The following ADCY9 variants were observed in gnomAD, a reference collection of about 807,000 sequenced individuals.
The protein encoded by ADCY9 is adenylate cyclase type 9.
In ADCY9, 50 loss-of-function variants were observed where a neutral mutation model predicts 101.5. That is an observed-to-expected ratio of 0.49 (90% CI 0.39 to 0.62). The LOEUF is 0.62. ADCY9 is among the 20% of genes least tolerant of loss of function. The probability of loss-of-function intolerance (pLI) is 0.00; values close to 1 mark genes in which losing one functional copy is unlikely to be tolerated. For missense variants in ADCY9, 1,662 were observed against 1,800.4 expected (o/e 0.92, Z 1.39); for synonymous variants, 905 against 769.3 (o/e 1.18, Z -2.92).
intron 2 of ADCY9, chr16:4,032,158 C>T (rs1344479685): frequency 6.6e-6 from 1 of 151,730 alleles, no homozygotes; most frequent in African/African-American, 2.4e-5. Context: ...GCATGGTGGC[C>T]CGTGCCTGTA....
chr16:4,021,275 T>C (rs2056474577), intron 2 of ADCY9, among the ~76,000 whole-genome samples: 1 of 152,216 alleles, frequency 6.6e-6, no homozygotes, highest in East Asian at 1.9e-4. Context: ...GCCACAGTGC[T>C]AACAAGATCT....
chr16:3,955,677 T>C (rs2055902914), intron 5 of ADCY9, among the ~76,000 whole-genome samples: 1 of 151,410 alleles, frequency 6.6e-6, no homozygotes, highest in African/African-American at 2.4e-5. Flanking sequence ...GCCTCCAGAG[T>C]AACTGGGATT....
chr16:3,994,062 T>C (rs1485257951), intron 3 of ADCY9, among the ~76,000 whole-genome samples: 1 of 152,120 alleles, frequency 6.6e-6, no homozygotes, highest in Non-Finnish European at 1.5e-5. Context: ...AGTCAGACGC[T>C]GAAATCCTAA....
At chr16:4,106,237 C>T (rs997596369) in intron 2 of ADCY9, among the ~76,000 whole-genome samples, 5 of 152,198 alleles carry the variant, frequency 3.3e-5, no homozygotes, top group African/African-American at 9.7e-5. Context: ...AATTTAGCCA[C>T]GGGTTGGCTT....
intron 2 of ADCY9, among the ~76,000 whole-genome samples, chr16:4,077,807 C>A (rs2056877146): frequency 6.6e-6 from 1 of 152,050 alleles, no homozygotes; most frequent in South Asian, 2.1e-4. Flanking sequence ...TGAGACCAGC[C>A]TGGCCAGCAT....
intron 2 of ADCY9, among the ~76,000 whole-genome samples, chr16:4,083,212 A>T (rs1323663398): frequency 6.6e-6 from 1 of 152,208 alleles, no homozygotes; most frequent in Non-Finnish European, 1.5e-5. Context: ...CACAACAAAA[A>T]CCATCTTAAC....
At chr16:4,022,594 A>G (rs1192642078) in intron 2 of ADCY9, among the ~76,000 whole-genome samples, 1 of 149,992 alleles carries the variant, frequency 6.7e-6, no homozygotes, top group Admixed American at 6.7e-5. Flanking sequence ...TTGTATGTGT[A>G]TATCCGTGCA....
intron 3 of ADCY9, among the ~76,000 whole-genome samples, chr16:3,997,291 C>G (rs947395110): frequency 6.6e-6 from 1 of 152,252 alleles, no homozygotes; most frequent in Non-Finnish European, 1.5e-5. Context: ...ACCAACTTGG[C>G]ACCAGAGGGC....
At chr16:4,045,869 C>CTTT (rs56804050) in intron 2 of ADCY9, among the ~76,000 whole-genome samples, 31 of 78,840 alleles carry the variant, frequency 3.9e-4, no homozygotes, top group African/African-American at 7.6e-4. Flanking sequence ...TTTTTTCTTT[C>CTTT]TTTTTTTTTT....
In ADCY9 at chr16:3,992,352, T is replaced by A. The variant is rs2141702875; in HGVS notation, c.2001A>T (p.Gly667=). 6.2e-7 allele frequency: 1 copy of A among 1,613,736 alleles called. No homozygotes were observed. The highest frequency in any genetic ancestry group is 2.2e-5 in the East Asian group (1 of 44,858). ...GCCCGTTCTGAGTTTTGGGATTAGG[T>A]CCTCCAGAAGCCTGCCTCGAGACAA... ...EHKNSTKASG[G]PNPKTQNGLL... is the part of the protein sequence containing the mutation. The change falls in exon 5 of 11, where the codon GGA becomes GGT. Residue 667 remains glycine (G), a synonymous_variant. Coordinates refer to ENST00000294016, the MANE Select transcript of ADCY9 (RefSeq NM_001116.4). The surrounding 1 kb of genome is among the most constrained non-coding windows in gnomAD (Gnocchi z 4.2).
At chr16:4,012,290 G>C (rs1336986230) in intron 2 of ADCY9, among the ~76,000 whole-genome samples, 2 of 152,166 alleles carry the variant, frequency 1.3e-5, no homozygotes, top group Non-Finnish European at 2.9e-5. Context: ...ACCCTGACAG[G>C]TAAGGCAGAG....
rs2057145975 is a variant in ADCY9 at position 4,115,595 on chromosome 16, G to A, written c.-44+95C>T. ...GCGGCTCCAGCACGCGACCTGGACAGGCACCATCTGTTCCTGTGGTTCCCG... is the reference window on the plus strand; with the variant it reads ...GCGGCTCCAGCACGCGACCTGGACAAGCACCATCTGTTCCTGTGGTTCCCG... On this transcript the variant is annotated intron_variant, in intron 1 of 10. Coordinates refer to ENST00000294016, the MANE Select transcript of ADCY9 (RefSeq NM_001116.4). The surrounding 1 kb of genome is among the most constrained non-coding windows in gnomAD (Gnocchi z 6.2). 1.1e-6 allele frequency: 1 copy of A among 897,890 alleles called. No individual in the cohort carries two copies. 55.6% of individuals were successfully genotyped at this position (897,890 alleles called of 1,614,324 possible).
chr16:4,090,715 T>C (rs895483700), intron 2 of ADCY9, among the ~76,000 whole-genome samples: 3 of 152,002 alleles, frequency 2.0e-5, no homozygotes, highest in African/African-American at 7.2e-5. Flanking sequence ...AGATTTTTTT[T>C]TTTTGGTCAA....
chr16:4,075,016 A>G (rs1310058916), intron 2 of ADCY9, among the ~76,000 whole-genome samples: 1 of 152,128 alleles, frequency 6.6e-6, no homozygotes, highest in Non-Finnish European at 1.5e-5. Context: ...TCTCCACAAA[A>G]AAATAGAAAA....
chr16:4,088,842 A>C (rs2056955811), intron 2 of ADCY9, among the ~76,000 whole-genome samples: 1 of 152,004 alleles, frequency 6.6e-6, no homozygotes, highest in Non-Finnish European at 1.5e-5. Flanking sequence ...TATACTGTGT[A>C]ATTCTCTCGT....
At position 3,979,149 on chromosome 16, in the gene ADCY9, G is replaced by T; in HGVS notation, c.2646C>A (p.Ser882=). ...TGGTCTCATATTCGGAGGTGACATG[G>T]GAGTAGACGGCCAGTGCGGGAAGCG... ...LVSLPALAVY[S]HVTSEYETNI... is the part of the protein sequence containing the mutation. The change falls in exon 8 of 11, where the codon TCC becomes TCA. Residue 882 remains serine, a synonymous_variant. Coordinates refer to ENST00000294016, the MANE Select transcript of ADCY9 (RefSeq NM_001116.4). The T allele has an allele frequency of 6.2e-7, 1 of 1,614,216 alleles. No homozygotes were observed. The highest frequency in any genetic ancestry group is 8.5e-7 in the Non-Finnish European group (1 of 1,180,044).
intron 2 of ADCY9, among the ~76,000 whole-genome samples, chr16:4,095,007 A>AT (rs34980572): frequency 3.1e-3 from 399 of 128,818 alleles, no homozygotes; most frequent in African/African-American, 0.01. Context: ...ATGACATTTA[A>AT]TTTTTTTTTT....
At chr16:4,056,771 T>G (rs1013901793) in intron 2 of ADCY9, among the ~76,000 whole-genome samples, 7 of 152,232 alleles carry the variant, frequency 4.6e-5, no homozygotes, top group African/African-American at 1.7e-4. Context: ...AAATATGTGC[T>G]GTTGTTATAA....
intron 5 of ADCY9, among the ~76,000 whole-genome samples, chr16:3,991,446 G>C (rs2056242946): frequency 6.6e-6 from 1 of 151,988 alleles, no homozygotes; most frequent in Non-Finnish European, 1.5e-5. Context: ...TTGATAAAAG[G>C]ACTGGACCTG....
Sources: gnomAD v4.1 joint callset for allele counts (sites outside exome capture counted in the v4.1 genomes callset) on GRCh38, gnomAD v4.1.1 for gene constraint, Gnocchi (gnomAD v3.1) non-coding constraint, MANE v1.5 for transcripts, NCBI Gene and HGNC (gene_info 2026-07-23, HGNC 2026-07-21) for gene names.